Variants in GALNT17 observed in about 807,000 individuals in gnomAD.
GALNT17 encodes polypeptide N-acetylgalactosaminyltransferase 17.
A neutral mutation model predicts 63.7 loss-of-function variants in GALNT17; 29 were observed. The observed-to-expected ratio is 0.46, with a 90% CI of 0.34 to 0.62. The LOEUF (loss-of-function observed/expected upper bound fraction) is 0.62, where lower values mean the gene tolerates loss of function less well. GALNT17 is among the 20% of genes least tolerant of loss of function. GALNT17 has a pLI of 0.01. For missense variants in GALNT17, 603 were observed against 799.6 expected (o/e 0.75, Z 2.97); for synonymous variants, 305 against 318.3 (o/e 0.96, Z 0.45).
chr7:71,413,254 G>C (rs1793462093), intron 3 of GALNT17, among the ~76,000 whole-genome samples: 1 of 152,106 alleles, frequency 6.6e-6, no homozygotes, highest in African/African-American at 2.4e-5. Context: ...AGCCAAAACA[G>C]TTTCTCTGTC....
Position 71,498,032 on chromosome 7 carries a change from C to A in GALNT17, c.963-73253C>A, listed in dbSNP as rs1788123806. On this transcript the variant is annotated intron_variant, in intron 5 of 10. Coordinates refer to ENST00000333538, the MANE Select transcript of GALNT17 (RefSeq NM_022479.3). ...ACATGCGTGTGGGATCATGCCTTTT[C>A]TCTGTGCAAGCAGAGAATTCAGACG... 2.0e-5 allele frequency among the ~76,000 whole-genome samples: 3 copies of A among 152,284 alleles called. No individual in the cohort carries two copies. The South Asian group carries it at 6.2e-4, about 32-fold the overall frequency.
intron 9 of GALNT17, among the ~76,000 whole-genome samples, chr7:71,682,777 C>T (rs1031733764): frequency 6.6e-6 from 1 of 152,064 alleles, no homozygotes; most frequent in Admixed American, 6.6e-5. Context: ...GTGTAGAAGT[C>T]CTGACCTCTG....
intron 6 of GALNT17, among the ~76,000 whole-genome samples, chr7:71,635,701 T>A (rs1188668552): frequency 6.6e-6 from 1 of 152,176 alleles, no homozygotes; most frequent in Non-Finnish European, 1.5e-5. Context: ...GAATGGTTAC[T>A]CCATAGGCAG....
intron 6 of GALNT17, among the ~76,000 whole-genome samples, chr7:71,633,103 CAAA>C (rs71089970): frequency 4.1e-5 from 3 of 72,354 alleles, no homozygotes; most frequent in African/African-American, 6.0e-5. Flanking sequence ...GACTCTGTCT[CAAA>C]AAAAAAAAAA....
chr7:71,272,098 A>G (rs1790603056), intron 1 of GALNT17, among the ~76,000 whole-genome samples: 1 of 152,154 alleles, frequency 6.6e-6, no homozygotes, highest in Non-Finnish European at 1.5e-5. Flanking sequence ...AGACTGTCAT[A>G]CATTGGAAAT....
chr7:71,588,092 T>C (rs1789745303), intron 6 of GALNT17, among the ~76,000 whole-genome samples: 1 of 152,208 alleles, frequency 6.6e-6, no homozygotes, highest in Admixed American at 6.5e-5. Context: ...TGCCACTAGG[T>C]TGCCATTGTT....
chr7:71,663,826 A>G (rs1464260850), intron 6 of GALNT17, among the ~76,000 whole-genome samples: 3 of 152,164 alleles, frequency 2.0e-5, no homozygotes, highest in African/African-American at 7.2e-5. Context: ...TTACTGGGAG[A>G]CTAAAGGTGG....
intron 9 of GALNT17, among the ~76,000 whole-genome samples, chr7:71,697,091 A>G (rs1442186149): frequency 6.6e-6 from 1 of 152,166 alleles, no homozygotes; most frequent in African/African-American, 2.4e-5. Context: ...ACCTCATATC[A>G]TCTATCAGAC....
intron 5 of GALNT17, among the ~76,000 whole-genome samples, chr7:71,531,573 A>G (rs947813086): frequency 3.9e-5 from 6 of 152,164 alleles, no homozygotes; most frequent in African/African-American, 9.7e-5. Flanking sequence ...CTTCCTAGAT[A>G]TAAACTCATT....
At chr7:71,337,906 A>C (rs1791938832) in intron 2 of GALNT17, among the ~76,000 whole-genome samples, 1 of 151,780 alleles carries the variant, frequency 6.6e-6, no homozygotes, top group South Asian at 2.1e-4. Context: ...AACAACAAAA[A>C]AACTTGGGGC....
At chr7:71,214,378 T>G (rs1289181381) in intron 1 of GALNT17, among the ~76,000 whole-genome samples, 1 of 152,234 alleles carries the variant, frequency 6.6e-6, no homozygotes, top group Admixed American at 6.5e-5. Flanking sequence ...AAGGCTTGTT[T>G]GTTACGTTTC....
At chr7:71,236,422 C>G (rs774797488) in intron 1 of GALNT17, among the ~76,000 whole-genome samples, 4 of 152,196 alleles carry the variant, frequency 2.6e-5, no homozygotes, top group African/African-American at 9.6e-5. Flanking sequence ...ATTGTCCTCA[C>G]AGCCTCACTG....
chr7:71,177,521 C>T (rs1788661384), intron 1 of GALNT17, among the ~76,000 whole-genome samples: 1 of 152,088 alleles, frequency 6.6e-6, no homozygotes, highest in Admixed American at 6.5e-5. Flanking sequence ...GAGACAGTTT[C>T]AGAGAGGCTC....
chr7:71,383,857 T>TAGATTTGTCATCATTGTTC (rs1792890944), intron 2 of GALNT17, among the ~76,000 whole-genome samples: 1 of 152,234 alleles, frequency 6.6e-6, no homozygotes, highest in Non-Finnish European at 1.5e-5. Flanking sequence ...TTCATTTGTC[T>TAGATTTGTCATCATTGTTC]ATTGATGAAC....
chr7:71,178,145 G>GT (rs140683851), intron 1 of GALNT17, among the ~76,000 whole-genome samples: 3,442 of 152,106 alleles, frequency 0.023, 141 homozygotes, highest in East Asian at 0.1. Flanking sequence ...AAATGTTTAT[G>GT]TTTCATTTTC....
rs530796985 is a variant in GALNT17, at chr7:71,601,918, G to T, written c.1080+30516G>T. Reference sequence around the variant, plus strand: ...CAGAATTTCAGTGAAATCATGATATGACTTTCTCCTGGTGCCTTTGTGCGG... The same window carrying T: ...CAGAATTTCAGTGAAATCATGATATTACTTTCTCCTGGTGCCTTTGTGCGG... On this transcript the variant is annotated intron_variant, in intron 6 of 10. Coordinates refer to ENST00000333538, the MANE Select transcript of GALNT17 (RefSeq NM_022479.3). Among the ~76,000 whole-genome samples the T allele has an allele frequency of 6.6e-5, 10 of 152,342 alleles. No homozygotes were observed. The South Asian group carries it at 2.1e-3, about 32-fold the overall frequency.
chr7:71,175,250 C>T (rs558688598), intron 1 of GALNT17, among the ~76,000 whole-genome samples: 12 of 152,280 alleles, frequency 7.9e-5, no homozygotes, highest in Non-Finnish European at 1.6e-4. Flanking sequence ...TTCCATCCAT[C>T]TGTCCATCCA....
intron 5 of GALNT17, among the ~76,000 whole-genome samples, chr7:71,535,152 A>G (rs1455494390): frequency 6.6e-6 from 1 of 152,232 alleles, no homozygotes; most frequent in Non-Finnish European, 1.5e-5. Flanking sequence ...TCAAGAGGAC[A>G]AAAATGTTGT....
chr7:71,232,244 A>G (rs1038757385), intron 1 of GALNT17, among the ~76,000 whole-genome samples: 4 of 152,136 alleles, frequency 2.6e-5, no homozygotes, highest in African/African-American at 7.2e-5. Flanking sequence ...TTCTGTCCTT[A>G]GATTTCTTGT....
Sources: gnomAD v4.1 joint callset for allele counts (sites outside exome capture counted in the v4.1 genomes callset) on GRCh38, gnomAD v4.1.1 for gene constraint, MANE v1.5 for transcripts, NCBI Gene and HGNC (gene_info 2026-07-23, HGNC 2026-07-21) for gene names.